WWTR1: variants seen among roughly 807,000 people sequenced by gnomAD.
The protein encoded by WWTR1 is WW domain-containing transcription regulator protein 1.
WWTR1 carries 13 observed loss-of-function variants against 40.1 expected under a neutral mutation model. The ratio of observed to expected loss-of-function variants is 0.32; its 90% CI spans 0.21 to 0.52. WWTR1 has a LOEUF of 0.52. WWTR1 is among the 20% of genes least tolerant of loss of function. WWTR1 has a pLI of 0.97. For missense variants in WWTR1, 436 were observed against 523.1 expected, an observed-to-expected ratio of 0.83 and a Z score of 1.63; for synonymous variants, 230 against 210.1, an observed-to-expected ratio of 1.09 and a Z score of -0.82.
intron 1 of WWTR1, among the ~76,000 whole-genome samples, chr3:149,676,141 A>G (rs1456866094): frequency 1.3e-5 from 2 of 152,198 alleles, no homozygotes; most frequent in African/African-American, 4.8e-5. Flanking sequence ...GGGGGAAAAA[A>G]TCACAAATTA....
chr3:149,642,700 G>A (rs564524423), intron 2 of WWTR1, among the ~76,000 whole-genome samples: 58 of 151,796 alleles, frequency 3.8e-4, no homozygotes, highest in Admixed American at 1.8e-3. Flanking sequence ...GCCGGAACCC[G>A]GGAGGCGGAG....
chr3:149,587,681 C>T (rs531795758), intron 2 of WWTR1, among the ~76,000 whole-genome samples: 35 of 152,064 alleles, frequency 2.3e-4, no homozygotes, highest in Admixed American at 5.2e-4. Flanking sequence ...GAAATACGTG[C>T]GAATAACATT....
At chr3:149,682,298 A>T (rs539784121) in intron 1 of WWTR1, among the ~76,000 whole-genome samples, 4 of 152,332 alleles carry the variant, frequency 2.6e-5, no homozygotes, top group African/African-American at 9.6e-5. Context: ...ATTCCCCAGG[A>T]TAGTGAAAAC....
chr3:149,576,026 T>C, intron 2 of WWTR1: 1 of 456,726 alleles, frequency 2.2e-6, no homozygotes, highest in Non-Finnish European at 4.4e-6. Flanking sequence ...ATTAAAAGTG[T>C]CACTCACAGC....
chr3:149,544,696 A>G (rs1736288862), intron 3 of WWTR1, among the ~76,000 whole-genome samples: 1 of 152,186 alleles, frequency 6.6e-6, no homozygotes, highest in Non-Finnish European at 1.5e-5. Context: ...CTTCTGTCAC[A>G]TCTTAGACTG....
intron 4 of WWTR1, among the ~76,000 whole-genome samples, chr3:149,539,373 T>C (rs774393855): frequency 1.3e-5 from 2 of 152,202 alleles, no homozygotes; most frequent in Non-Finnish European, 2.9e-5. Flanking sequence ...CCAACCTCCC[T>C]TTCTACTACA....
At chr3:149,676,705 T>G (rs1332484872) in intron 1 of WWTR1, among the ~76,000 whole-genome samples, 1 of 152,108 alleles carries the variant, frequency 6.6e-6, no homozygotes, top group African/African-American at 2.4e-5. Flanking sequence ...GTCTGCCTAT[T>G]TTCAAGGTAC....
At chr3:149,582,501 G>C (rs994175059) in intron 2 of WWTR1, among the ~76,000 whole-genome samples, 1 of 151,910 alleles carries the variant, frequency 6.6e-6, no homozygotes, top group Non-Finnish European at 1.5e-5. Flanking sequence ...TGAGGCAGGA[G>C]GATTGCTTGA....
At chr3:149,549,670 T>C (rs900104878) in intron 3 of WWTR1, among the ~76,000 whole-genome samples, 1 of 152,038 alleles carries the variant, frequency 6.6e-6, no homozygotes, top group Non-Finnish European at 1.5e-5. Context: ...AGACCCTGTC[T>C]CTACAAAAAA....
At chr3:149,530,381 C>T (rs1395567256) in intron 4 of WWTR1, among the ~76,000 whole-genome samples, 4 of 151,646 alleles carry the variant, frequency 2.6e-5, no homozygotes, top group Non-Finnish European at 5.9e-5. Flanking sequence ...GTTGAATCTG[C>T]AATTTCCAGG....
chr3:149,656,830 T>C (rs1204372119), intron 2 of WWTR1, 46 bp downstream of exon 2: 1 of 1,433,834 alleles, frequency 7.0e-7, no homozygotes, highest in Non-Finnish European at 9.2e-7. Context: ...CACGCGCGCG[T>C]TGGGCACTGT....
chr3:149,571,636 T>C (rs1238857817), intron 3 of WWTR1, among the ~76,000 whole-genome samples: 1 of 152,156 alleles, frequency 6.6e-6, no homozygotes, highest in Non-Finnish European at 1.5e-5. Context: ...CTGACTAGGG[T>C]CTACTTGAGT....
At chr3:149,668,781 C>A (rs1052203587) in intron 2 of WWTR1, among the ~76,000 whole-genome samples, 2 of 152,134 alleles carry the variant, frequency 1.3e-5, no homozygotes, top group Non-Finnish European at 2.9e-5. Flanking sequence ...ATTGATTTCT[C>A]CACATAAGCT....
chr3:149,668,607 C>CAAAAAAAA (rs10522665), intron 2 of WWTR1, among the ~76,000 whole-genome samples: 7 of 125,466 alleles, frequency 5.6e-5, no homozygotes, highest in Middle Eastern at 4.4e-3. Flanking sequence ...GATTGTGTCT[C>CAAAAAAAA]AAAAAAAACA....
chr3:149,541,736 C>T (rs998307156), intron 4 of WWTR1, among the ~76,000 whole-genome samples: 1 of 151,996 alleles, frequency 6.6e-6, no homozygotes, highest in African/African-American at 2.4e-5. Context: ...CTTGAAAACC[C>T]AGCTGCTATG....
upstream of WWTR1, among the ~76,000 whole-genome samples, chr3:149,706,531 T>G (rs1039206778): frequency 3.3e-5 from 5 of 152,070 alleles, no homozygotes; most frequent in African/African-American, 1.2e-4. Flanking sequence ...TTGATCAGGC[T>G]GGTCCCGAAC....
intron 1 of WWTR1, among the ~76,000 whole-genome samples, chr3:149,674,919 G>A (rs1007111220): frequency 6.6e-5 from 10 of 152,156 alleles, no homozygotes; most frequent in Non-Finnish European, 5.9e-5. Flanking sequence ...AGAACCAATG[G>A]CATTTTTAAA....
chr3:149,685,750 C>T (rs1336492620), intron 1 of WWTR1, among the ~76,000 whole-genome samples: 6 of 152,134 alleles, frequency 3.9e-5, no homozygotes, highest in Non-Finnish European at 5.9e-5. Flanking sequence ...CTCTCACTTC[C>T]TCTAGTACAT....
intron 2 of WWTR1, among the ~76,000 whole-genome samples, chr3:149,584,940 G>T (rs972255092): frequency 2.0e-5 from 3 of 152,082 alleles, no homozygotes; most frequent in African/African-American, 7.2e-5. Flanking sequence ...ATAAATATTA[G>T]TTCCCTTCCT....
Sources: allele counts gnomAD v4.1 joint callset (sites outside exome capture counted in the v4.1 genomes callset), GRCh38; gene constraint gnomAD v4.1.1; transcripts MANE v1.5; gene names NCBI Gene and HGNC (gene_info 2026-07-23, HGNC 2026-07-21).